ACTR2: variants seen among roughly 807,000 people sequenced by gnomAD.
ACTR2 encodes actin-related protein 2.
A neutral mutation model predicts 50.2 loss-of-function variants in ACTR2; 5 were observed. That is an observed-to-expected ratio of 0.10 (90% confidence interval 0.05 to 0.21). The LOEUF (loss-of-function observed/expected upper bound fraction) is 0.21, where lower values mean the gene tolerates loss of function less well. ACTR2 is among the 10% of genes least tolerant of loss of function. ACTR2 has a pLI of 1.00. For missense variants in ACTR2, 180 were observed against 480.6 expected, an observed-to-expected ratio of 0.37 and a Z score of 5.85; for synonymous variants, 140 against 162.9, an observed-to-expected ratio of 0.86 and a Z score of 1.07.
chr2:65,231,751 T>C (rs1671640768), intron 1 of ACTR2, among the ~76,000 whole-genome samples: 1 of 152,226 alleles, frequency 6.6e-6, no homozygotes, highest in Non-Finnish European at 1.5e-5. Flanking sequence ...AATTAAATAT[T>C]CTAGGACAGG....
intron 4 of ACTR2, among the ~76,000 whole-genome samples, chr2:65,251,928 CT>C (rs371437858): frequency 0.014 from 1,973 of 143,282 alleles, 37 homozygotes; most frequent in African/African-American, 0.042. Context: ...TGGGAGAGCT[CT>C]TTTTTTTTTT....
intron 3 of ACTR2, among the ~76,000 whole-genome samples, chr2:65,248,534 A>G (rs921805303): frequency 3.3e-5 from 5 of 152,120 alleles, no homozygotes; most frequent in African/African-American, 1.2e-4. Context: ...AGAGTTGGAG[A>G]CTTTTTCAGT....
In ACTR2 at chr2:65,260,506, ATCAATCAG is replaced by A. The variant is rs532080129; in HGVS notation, c.736-731_736-724del. ...GGGCGACAAGAGAAACTCTGTCTCA[ATCAATCAG>A]TCAATCAGTGTTTTAACATGTCTGT... is the stretch of plus-strand genomic sequence containing the variant. On this transcript the variant is annotated intron_variant, in intron 6 of 8. Transcript: ENST00000260641. Among the ~76,000 whole-genome samples, 510 of 152,346 alleles carry A rather than the reference ATCAATCAG, an allele frequency of 3.3e-3. 1 individual carries two copies. Among genetic ancestry groups the A allele is most frequent in the Non-Finnish European group, 5.6e-3 (379 of 68,020 alleles).
chr2:65,268,585 G>A lies in ACTR2; in HGVS notation c.1036G>A (p.Asp346Asn), dbSNP rs1672429355. ...TTAGAAATTTAAGATCCGCATTGAA[G>A]ACCCACCCCGCAGAAAGCACATGGT... ...KLSKFKIRIE[D>N]PPRRKHMVFL... The change falls in exon 9 of 9, where the codon GAC becomes AAC. Residue 346 changes from aspartate to asparagine, a missense_variant. Transcript: ENST00000260641. 1 of 1,613,296 alleles carries A rather than the reference G, an allele frequency of 6.2e-7. No homozygotes were observed. Among genetic ancestry groups the A allele is most frequent in the Non-Finnish European group, 8.5e-7 (1 of 1,179,822 alleles).
At position 65,251,052 on chromosome 2, in the gene ACTR2, C is replaced by T. The variant is rs1672039222; in HGVS notation, c.401C>T (p.Ser134Phe). ...VEVMFETYQF[S>F]GVYVAIQAVL... ...GTAATGTTTGAAACTTACCAGTTTT[C>T]CGGTGTATATGTAGCCATCCAGGCA... Residue 134 changes from serine (S) to phenylalanine (F), a missense_variant, in exon 4 of 9, where the codon TCC (serine) becomes TTC (phenylalanine). Physicochemically the swap from Ser to Phe is radical, Grantham distance 155 (BLOSUM62 -2). Transcript: ENST00000260641. The T allele has an allele frequency of 6.2e-7, 1 of 1,606,636 alleles. No homozygotes were observed. Among genetic ancestry groups the T allele is most frequent in the Non-Finnish European group, 8.5e-7 (1 of 1,176,698 alleles).
At chr2:65,252,821 G>T (rs958439334) in intron 4 of ACTR2, among the ~76,000 whole-genome samples, 1 of 152,078 alleles carries the variant, frequency 6.6e-6, no homozygotes, top group African/African-American at 2.4e-5. Context: ...AGTAAAATTA[G>T]CTGGGTGTGG....
chr2:65,228,165 C>G (rs1233925680), intron 1 of ACTR2: 1 of 439,734 alleles, frequency 2.3e-6, no homozygotes, highest in Non-Finnish European at 3.9e-6. Context: ...CTGCCACCCC[C>G]TCACCCTTCC....
chr2:65,247,183 C>G (rs1671953781), intron 3 of ACTR2, among the ~76,000 whole-genome samples: 1 of 152,118 alleles, frequency 6.6e-6, no homozygotes, highest in African/African-American at 2.4e-5. Context: ...TTAACTACCA[C>G]CCAAAATACT....
intron 3 of ACTR2, among the ~76,000 whole-genome samples, chr2:65,250,152 C>G (rs1460941705): frequency 6.6e-6 from 1 of 151,916 alleles, no homozygotes; most frequent in Non-Finnish European, 1.5e-5. Flanking sequence ...ATCATGAGGT[C>G]AGGAGATGGA....
chr2:65,238,226 T>G (rs1671774851), intron 1 of ACTR2, among the ~76,000 whole-genome samples: 1 of 152,190 alleles, frequency 6.6e-6, no homozygotes, highest in Admixed American at 6.5e-5. Context: ...CTCTCAAGTT[T>G]TACTGTAGTT....
At chr2:65,262,294 A>G (rs936892543) in intron 7 of ACTR2, among the ~76,000 whole-genome samples, 3 of 152,040 alleles carry the variant, frequency 2.0e-5, no homozygotes, top group South Asian at 2.1e-4. Context: ...TAGTGGTGCA[A>G]TCTTGGCTCA....
At chr2:65,263,683 C>T (rs1349026497) in intron 7 of ACTR2, among the ~76,000 whole-genome samples, 1 of 152,166 alleles carries the variant, frequency 6.6e-6, no homozygotes, top group Admixed American at 6.5e-5. Flanking sequence ...GGTAAATTCT[C>T]ATGATAGGGA....
intron 1 of ACTR2, among the ~76,000 whole-genome samples, chr2:65,234,423 G>T (rs1045557976): frequency 6.6e-6 from 1 of 152,224 alleles, no homozygotes; most frequent in South Asian, 2.1e-4. Flanking sequence ...TGAATGAAAA[G>T]TCTTTTTTTT....
At chr2:65,241,895 A>G in intron 2 of ACTR2, 1 of 794,786 alleles carries the variant, frequency 1.3e-6, no homozygotes, top group South Asian at 2.9e-5. Context: ...CCTAATTATT[A>G]ACTCCATTAA....
At chr2:65,258,480 A>C (rs1672196284) in intron 6 of ACTR2, among the ~76,000 whole-genome samples, 1 of 152,112 alleles carries the variant, frequency 6.6e-6, no homozygotes, top group Admixed American at 6.6e-5. Context: ...TGAGAGGTTG[A>C]GGTGGGAAGA....
At chr2:65,231,743 T>A (rs1671640655) in intron 1 of ACTR2, among the ~76,000 whole-genome samples, 1 of 152,166 alleles carries the variant, frequency 6.6e-6, no homozygotes, top group Non-Finnish European at 1.5e-5. Context: ...CAGACCCAAA[T>A]TAAATATTCT....
rs1672221084 is a variant in ACTR2 at position 65,259,511 on chromosome 2, T to C, written c.736-1736T>C. Among the ~76,000 whole-genome samples the C allele has an allele frequency of 2.0e-5, 3 of 152,262 alleles. No individual in the cohort carries two copies. In the South Asian group the frequency reaches 6.2e-4, roughly 32 times the overall value. On this transcript the variant is annotated intron_variant, in intron 6 of 8. Coordinates refer to ENST00000260641, the MANE Select transcript of ACTR2 (RefSeq NM_005722.4). ...TGGGAGGCCAAGCCAGGCAGATCACTTGAGGCCAGGAGCTCGAGACCAGCC... is the reference window on the plus strand; with the variant it reads ...TGGGAGGCCAAGCCAGGCAGATCACCTGAGGCCAGGAGCTCGAGACCAGCC...
intron 2 of ACTR2, chr2:65,242,113 G>A: frequency 7.3e-7 from 1 of 1,377,284 alleles, no homozygotes; most frequent in Non-Finnish European, 1.0e-6. Context: ...TTTGCTTGAT[G>A]GGACAGTAGT....
chr2:65,264,869 A>G (rs181607965), intron 7 of ACTR2, among the ~76,000 whole-genome samples, 174 bp from the exon 8 acceptor site: 17 of 152,332 alleles, frequency 1.1e-4, no homozygotes, highest in African/African-American at 4.1e-4. Context: ...TTATATGTAA[A>G]GAGGGGTCGT....
Sources: gnomAD v4.1 joint callset for allele counts (sites outside exome capture counted in the v4.1 genomes callset) on GRCh38, gnomAD v4.1.1 for gene constraint, MANE v1.5 for transcripts, NCBI Gene and HGNC (gene_info 2026-07-23, HGNC 2026-07-21) for gene names.